The following ZFHX3 variants were observed in gnomAD, a reference collection of about 807,000 sequenced individuals.
The protein encoded by ZFHX3 is zinc finger homeobox 3.
Under a neutral mutation model 279.1 loss-of-function variants are expected in ZFHX3, and 42 were observed. That is an observed-to-expected ratio of 0.15 (90% CI 0.12 to 0.19). ZFHX3 has a LOEUF of 0.19. Ranked by LOEUF, ZFHX3 falls within the 10% of genes least tolerant of loss-of-function variation. ZFHX3 has a pLI of 1.00. For missense variants in ZFHX3, 4,981 were observed against 4,754.0 expected (o/e 1.05, Z -1.40); for synonymous variants, 2,293 against 1,957.8 (o/e 1.17, Z -4.52).
chr16:73,171,238 C>G (rs1967515788), intron 5 of ZFHX3, among the ~76,000 whole-genome samples: 1 of 151,940 alleles, frequency 6.6e-6, no homozygotes, highest in South Asian at 2.1e-4. Flanking sequence ...AACTGGGACG[C>G]TTTTGAGAGT....
chr16:73,818,911 G>A (rs1960656103), intron 1 of ZFHX3, among the ~76,000 whole-genome samples: 1 of 152,092 alleles, frequency 6.6e-6, no homozygotes, highest in South Asian at 2.1e-4. Context: ...TAGAAAATCT[G>A]ATTTAAACTC....
At chr16:73,148,584 T>A (rs1439933584) in intron 5 of ZFHX3, among the ~76,000 whole-genome samples, 12 of 112,894 alleles carry the variant, frequency 1.1e-4, no homozygotes, top group African/African-American at 3.7e-4. Flanking sequence ...TTTTTTTTTT[T>A]ACTATTATCT....
intron 2 of ZFHX3, among the ~76,000 whole-genome samples, chr16:73,495,250 C>T (rs988327835): frequency 7.2e-5 from 11 of 152,068 alleles, no homozygotes; most frequent in Non-Finnish European, 1.3e-4. Flanking sequence ...ATTTGAAAAG[C>T]GAATAACCCT....
intron 4 of ZFHX3, among the ~76,000 whole-genome samples, chr16:73,305,079 A>T (rs1051208645): frequency 1.0e-3 from 27 of 26,176 alleles, no homozygotes; most frequent in East Asian, 6.7e-3. Flanking sequence ...ATAAAAAATT[A>T]AAAAAAAAAG....
chr16:73,779,181 A>G (rs1480410158), intron 1 of ZFHX3, among the ~76,000 whole-genome samples: 1 of 152,214 alleles, frequency 6.6e-6, no homozygotes, highest in Non-Finnish European at 1.5e-5. Context: ...CATGTGCCAA[A>G]GTATATCTTG....
intron 4 of ZFHX3, among the ~76,000 whole-genome samples, chr16:73,275,403 G>T (rs1482346267): frequency 6.7e-6 from 1 of 148,174 alleles, no homozygotes; most frequent in Non-Finnish European, 1.5e-5. Context: ...ACGAAGCTTC[G>T]GGTGGTCATG....
chr16:73,412,922 A>C (rs575957424), intron 3 of ZFHX3, among the ~76,000 whole-genome samples: 1 of 152,334 alleles, frequency 6.6e-6, no homozygotes, highest in South Asian at 2.1e-4. Context: ...AAGAGCAATA[A>C]TACAGATGCA....
chr16:72,826,726 C>T (rs572102861), intron 5 of ZFHX3, among the ~76,000 whole-genome samples: 3 of 152,290 alleles, frequency 2.0e-5, no homozygotes, highest in African/African-American at 7.2e-5. Flanking sequence ...TGGCAAGGTG[C>T]ATCTCTGAGT....
chr16:72,827,502 G>A (rs1230798572), intron 5 of ZFHX3, among the ~76,000 whole-genome samples: 4 of 152,166 alleles, frequency 2.6e-5, no homozygotes, highest in African/African-American at 7.2e-5. Flanking sequence ...CACCCAAATC[G>A]TGACAACAAA....
At chr16:73,502,857 T>C (rs945160880) in intron 2 of ZFHX3, among the ~76,000 whole-genome samples, 1 of 152,196 alleles carries the variant, frequency 6.6e-6, no homozygotes, top group African/African-American at 2.4e-5. Flanking sequence ...TCCCTGGGTA[T>C]TATTAAAACA....
In ZFHX3 at chr16:72,795,652, T is replaced by C. The variant is rs2035879422; in HGVS notation, c.7030A>G (p.Ile2344Val). The C allele has an allele frequency of 6.2e-7, 1 of 1,613,996 alleles. No homozygotes were observed. Among genetic ancestry groups the C allele is most frequent in the Non-Finnish European group, 8.5e-7 (1 of 1,179,960 alleles). The change falls in exon 9 of 10, where the codon ATC (isoleucine) becomes GTC (valine). Residue 2344 changes from isoleucine to valine, a missense_variant. This residue lies in a region of ZFHX3 where 744 missense variants were observed against 701.3 expected (regional missense o/e 1.06). Coordinates refer to ENST00000268489, the MANE Select transcript of ZFHX3 (RefSeq NM_006885.4). ...TAACACAGCTTCTTCTGGTGCTTGA[T>C]GAGATCAAAGATGCGCTGAAACACC... ...SLVFQRIFDL[I>V]KHQKKLCYKD...
In ZFHX3 at chr16:72,794,543, G is replaced by A. The variant is rs768631976; in HGVS notation, c.8139C>T (p.Cys2713=). Residue 2713 remains cysteine, a synonymous_variant, in exon 9 of 10, where the codon TGC becomes TGT. Coordinates refer to ENST00000268489, the MANE Select transcript of ZFHX3 (RefSeq NM_006885.4). This position sits in a 1 kb window ranked among gnomAD's most constrained non-coding sequence, Gnocchi z 4.2. ...AVGPAQAHRR[C]PFCRALFKAK... is the part of the protein sequence containing the mutation. ...CTTTGAAGAGCGCTCTGCAAAAAGG[G>A]CATCTCCTGTGGGCCTGCGCTGGGC... 38 of 1,614,178 alleles carry A rather than the reference G, an allele frequency of 2.4e-5. No homozygotes were observed. The highest frequency in any genetic ancestry group is 3.2e-5 in the Non-Finnish European group (38 of 1,180,032).
At position 72,787,588 on chromosome 16, in the gene ZFHX3, C is replaced by T. The variant is rs2143276726; in HGVS notation, c.10688G>A (p.Arg3563Lys). ...HKHRTITRAA[R>K]NAKEHPSLLP... is the part of the protein sequence containing the mutation. ...TAAACTAGGGTGCTCTTTGGCGTTT[C>T]TTGCTGCTCTCGTGATTGTTCTGTG... Residue 3563 changes from arginine to lysine, a missense_variant, in exon 10 of 10, where the codon AGA becomes AAA. By Grantham distance (26) the Arg-to-Lys change is conservative. Around this residue, in one of 7 missense-constraint regions of ZFHX3, gnomAD observed 1,034 missense variants for 786.0 expected, o/e 1.32. Coordinates refer to ENST00000268489, the MANE Select transcript of ZFHX3 (RefSeq NM_006885.4). 6.2e-7 allele frequency: 1 copy of T among 1,613,980 alleles called. No homozygotes were observed.
At chr16:72,929,751 T>G (rs552272191) in intron 3 of ZFHX3, among the ~76,000 whole-genome samples, 1 of 152,124 alleles carries the variant, frequency 6.6e-6, no homozygotes, top group Non-Finnish European at 1.5e-5. Context: ...TTAAAACAAG[T>G]GTGCACTGGG....
At chr16:73,419,886 C>CAT (rs202002681) in intron 3 of ZFHX3, among the ~76,000 whole-genome samples, 121 of 150,582 alleles carry the variant, frequency 8.0e-4, no homozygotes, top group Middle Eastern at 3.4e-3. Context: ...TGAGAATTAA[C>CAT]ATATATATAT....
chr16:73,411,113 A>G (rs995366196), intron 3 of ZFHX3, among the ~76,000 whole-genome samples: 1 of 152,186 alleles, frequency 6.6e-6, no homozygotes, highest in Admixed American at 6.5e-5. Flanking sequence ...TGCTGCTGGA[A>G]TTTTAAAGAC....
chr16:73,047,122 CTTTT>C (rs1020309175), intron 1 of ZFHX3, among the ~76,000 whole-genome samples: 1 of 152,176 alleles, frequency 6.6e-6, no homozygotes, highest in African/African-American at 2.4e-5. Context: ...TACAATGCTT[CTTTT>C]TGTTGTTATT....
intron 4 of ZFHX3, among the ~76,000 whole-genome samples, chr16:73,311,879 C>T (rs191344886): frequency 6.6e-6 from 1 of 152,158 alleles, no homozygotes; most frequent in East Asian, 1.9e-4. Flanking sequence ...GCTTATGACC[C>T]ATTTATGTAA....
chr16:73,732,905 A>G (rs1008379451), intron 1 of ZFHX3, among the ~76,000 whole-genome samples: 2 of 152,316 alleles, frequency 1.3e-5, no homozygotes, highest in Middle Eastern at 3.4e-3. Context: ...GTTCAGCAGG[A>G]GAAGTGGAAA....
Sources: gnomAD v4.1 joint callset for allele counts (sites outside exome capture counted in the v4.1 genomes callset) on GRCh38, gnomAD v4.1.1 for gene constraint, gnomAD v4.1.1 regional missense constraint, Gnocchi (gnomAD v3.1) non-coding constraint, MANE v1.5 for transcripts, NCBI Gene and HGNC (gene_info 2026-07-23, HGNC 2026-07-21) for gene names.